STX18: variants seen among roughly 807,000 people sequenced by gnomAD.
STX18 encodes the protein syntaxin 18, also known as syntaxin-18.
A neutral mutation model predicts 50.1 loss-of-function variants in STX18; 40 were observed. That is an observed-to-expected ratio of 0.80 (90% CI 0.62 to 1.04). The LOEUF is 1.04. STX18 is among the 50% of genes least tolerant of loss of function. The pLI, the probability that STX18 is intolerant of heterozygous loss-of-function variation, is 0.00. For synonymous variants in STX18, 158 were observed against 151.8 expected (o/e 1.04, Z -0.30); for missense variants, 410 against 415.8 (o/e 0.99, Z 0.12).
chr4:4,497,277 T>C (rs1456648171), intron 1 of STX18, among the ~76,000 whole-genome samples: 3 of 152,134 alleles, frequency 2.0e-5, no homozygotes, highest in Non-Finnish European at 4.4e-5. Context: ...TACTGGACAA[T>C]ATGCCAAGGA....
intron 1 of STX18, among the ~76,000 whole-genome samples, chr4:4,483,254 T>TA (rs953617386): frequency 5.3e-5 from 8 of 151,494 alleles, no homozygotes; most frequent in South Asian, 2.1e-4. Flanking sequence ...ACCCAGAAAT[T>TA]AAAAAAAACA....
intron 1 of STX18, among the ~76,000 whole-genome samples, chr4:4,527,867 C>CACATATATATATATATATATAT (rs372566368): frequency 1.6e-4 from 22 of 137,204 alleles, no homozygotes; most frequent in African/African-American, 5.8e-4. Flanking sequence ...CACACACACA[C>CACATATATATATATATATATAT]ATATATATAT....
At chr4:4,495,113 T>C (rs1012537900) in intron 1 of STX18, among the ~76,000 whole-genome samples, 1 of 152,204 alleles carries the variant, frequency 6.6e-6, no homozygotes, top group Non-Finnish European at 1.5e-5. Flanking sequence ...TCATGAATTA[T>C]ACAGCATTCC....
chr4:4,532,765 C>T (rs140030664), intron 1 of STX18, among the ~76,000 whole-genome samples: 14 of 152,288 alleles, frequency 9.2e-5, no homozygotes, highest in African/African-American at 2.9e-4. Flanking sequence ...TTTTTAATTC[C>T]TTTCTCAATT....
At chr4:4,541,675 G>T in intron 1 of STX18, 122 bp downstream of exon 1, 1 of 1,124,084 alleles carries the variant, frequency 8.9e-7, no homozygotes, top group Non-Finnish European at 1.2e-6. Context: ...CAACTCTTCT[G>T]TCCCCCTTAG....
chr4:4,462,183 C>T (rs1375031678), intron 2 of STX18, among the ~76,000 whole-genome samples: 2 of 152,228 alleles, frequency 1.3e-5, no homozygotes, highest in African/African-American at 4.8e-5. Flanking sequence ...CTCCTCCCAG[C>T]TCTCTGGCAG....
intron 7 of STX18, among the ~76,000 whole-genome samples, chr4:4,434,393 T>C (rs994159608): frequency 6.6e-6 from 1 of 152,238 alleles, no homozygotes; most frequent in Non-Finnish European, 1.5e-5. Flanking sequence ...TTTTCACTTT[T>C]CAGTCATTAT....
intron 5 of STX18, among the ~76,000 whole-genome samples, chr4:4,446,374 T>C (rs1726409670): frequency 1.3e-5 from 2 of 152,016 alleles, no homozygotes; most frequent in East Asian, 1.9e-4. Flanking sequence ...ATTAAGAAAA[T>C]AAATAAACCA....
intron 1 of STX18, chr4:4,481,732 T>G (rs1405772229): frequency 6.6e-6 from 1 of 152,182 alleles, no homozygotes; most frequent in Non-Finnish European, 1.5e-5. Context: ...CTCTGGAGCA[T>G]GTTGACCTGC....
intron 1 of STX18, among the ~76,000 whole-genome samples, chr4:4,508,230 CTGTTCATGG>C (rs894280873): frequency 6.6e-6 from 1 of 152,072 alleles, no homozygotes; most frequent in African/African-American, 2.4e-5. Flanking sequence ...TGTTTTTTGT[CTGTTCATGG>C]TGTCTTAAGT....
chr4:4,510,707 T>C (rs1186796553), intron 1 of STX18, among the ~76,000 whole-genome samples: 1 of 152,152 alleles, frequency 6.6e-6, no homozygotes, highest in Non-Finnish European at 1.5e-5. Flanking sequence ...TGCACATGTA[T>C]GTTTTTTGCA....
chr4:4,465,541 T>A (rs1012672010), intron 2 of STX18, among the ~76,000 whole-genome samples: 1 of 152,076 alleles, frequency 6.6e-6, no homozygotes, highest in Non-Finnish European at 1.5e-5. Context: ...CACTTATAAA[T>A]GGGAGCTGAA....
intron 5 of STX18, among the ~76,000 whole-genome samples, chr4:4,446,004 A>T (rs1201019706): frequency 6.6e-6 from 1 of 152,262 alleles, no homozygotes; most frequent in African/African-American, 2.4e-5. Flanking sequence ...TACTGAATAG[A>T]GTCCAGAAAC....
Position 4,460,934 on chromosome 4 carries a change from G to A in STX18, c.237-1447C>T, listed in dbSNP as rs539172881. ...CAGAGTGGCAAGCAGAGGGGCCAAA[G>A]CCTTAGGTTCATCCCTACTAGGAAC... On this transcript the variant is annotated intron_variant, in intron 2 of 10. Coordinates refer to ENST00000306200, the MANE Select transcript of STX18 (RefSeq NM_016930.4). 3.9e-5 allele frequency among the ~76,000 whole-genome samples: 6 copies of A among 152,218 alleles called. No individual in the cohort carries two copies. The East Asian group carries it at 7.8e-4, about 20-fold the overall frequency.
chr4:4,460,676 C>T (rs1312469284), intron 2 of STX18, among the ~76,000 whole-genome samples: 7 of 152,206 alleles, frequency 4.6e-5, no homozygotes, highest in Non-Finnish European at 8.8e-5. Flanking sequence ...ATAGATGATC[C>T]TCTCTCAGTG....
intron 5 of STX18, among the ~76,000 whole-genome samples, chr4:4,443,478 G>C (rs1726225867): frequency 6.6e-6 from 1 of 152,184 alleles, no homozygotes; most frequent in African/African-American, 2.4e-5. Flanking sequence ...GTTTTCCCTA[G>C]GATGAGGAAC....
Position 4,491,067 on chromosome 4 carries a change from C to T in STX18, c.169-19361G>A, listed in dbSNP as rs559845287. Among the ~76,000 whole-genome samples the T allele has an allele frequency of 5.9e-5, 9 of 151,614 alleles. No homozygotes were observed. The East Asian group carries it at 1.5e-3, about 26-fold the overall frequency. On this transcript the variant is annotated intron_variant, in intron 1 of 10. Coordinates refer to ENST00000306200, the MANE Select transcript of STX18 (RefSeq NM_016930.4). ...TGTTTACTTTTGTTGTTCAAACATT[C>T]GGCTTATAGCACTTTCAATATACGC...
chr4:4,450,020 C>A (rs144370019), intron 5 of STX18, among the ~76,000 whole-genome samples: 1,747 of 152,290 alleles, frequency 0.011, 110 homozygotes, highest in Admixed American at 0.1. Context: ...AGAGGCCTGG[C>A]TCCCTGAAGG....
At chr4:4,483,455 T>C (rs1012407698) in intron 1 of STX18, among the ~76,000 whole-genome samples, 2 of 152,206 alleles carry the variant, frequency 1.3e-5, no homozygotes, top group African/African-American at 4.8e-5. Flanking sequence ...TCCTCACTCC[T>C]TCCAGCCCCA....
Sources: gnomAD v4.1 joint callset for allele counts (sites outside exome capture counted in the v4.1 genomes callset) on GRCh38, gnomAD v4.1.1 for gene constraint, MANE v1.5 for transcripts, NCBI Gene and HGNC (gene_info 2026-07-23, HGNC 2026-07-21) for gene names.